Variants in ADCY4 observed in about 807,000 individuals in gnomAD.
ADCY4 encodes the protein adenylate cyclase type 4.
A neutral mutation model predicts 125.5 loss-of-function variants in ADCY4; 111 were observed. The observed-to-expected ratio is 0.88, with a 90% CI of 0.76 to 1.04. The LOEUF (loss-of-function observed/expected upper bound fraction) is 1.04. Among genes scored for constraint, ADCY4 ranks in the 50% least tolerant of loss-of-function variants. The pLI, the probability that ADCY4 is intolerant of heterozygous loss-of-function variation, is 0.00. For missense variants in ADCY4, 1,256 were observed against 1,382.9 expected (o/e 0.91, Z 1.46); for synonymous variants, 576 against 586.9 (o/e 0.98, Z 0.27).
intron 8 of ADCY4, 95 bp from the exon 9 acceptor site, chr14:24,329,628 A>G: frequency 6.8e-6 from 10 of 1,466,914 alleles, no homozygotes; most frequent in Middle Eastern, 2.3e-4. Flanking sequence ...ACTGACAAAC[A>G]TCTCATGTCT....
intron 18 of ADCY4, 85 bp from the exon 19 acceptor site, chr14:24,322,793 C>T: frequency 6.4e-7 from 1 of 1,551,604 alleles, no homozygotes; most frequent in Non-Finnish European, 8.7e-7. Context: ...CCGCTTCCCT[C>T]CCACTTTGCC....
Position 24,326,100 on chromosome 14 carries a change from A to G in ADCY4, c.1634T>C (p.Ile545Thr), listed in dbSNP as rs1291362065. The G allele has an allele frequency of 2.5e-6, 4 of 1,585,470 alleles. No individual in the cohort carries two copies. The highest frequency in any genetic ancestry group is 1.3e-5 in the African/African-American group (1 of 74,220). Residue 545 changes from isoleucine to threonine, a missense_variant, in exon 12 of 25, where the codon ATT becomes ACT. Physicochemically the swap from Ile to Thr is moderately conservative, Grantham distance 89 (BLOSUM62 -1). Coordinates refer to ENST00000418030, the MANE Select transcript of ADCY4 (RefSeq NM_001198568.2). ...DTGDAKFFQVIEQLNSQKQWK... is the reference protein window; with the variant it reads ...DTGDAKFFQVTEQLNSQKQWK... ...GTACTTCTGCGAGTTGAGCTGCTCA[A>G]TGACCTGGAAGAACTTGGCATCCCC...
chr14:24,322,720 A>G lies in ADCY4; in HGVS notation c.2343-12T>C, dbSNP rs991665379. ...TCAGCACTCCGGGCCTGAAGGGGCC[A>G]TGGATCAGGGTGACCCCTTGCTTTC... is the stretch of plus-strand genomic sequence containing the variant. On this transcript the variant is annotated splice_polypyrimidine_tract_variant and intron_variant, in intron 18 of 24. Transcript: ENST00000418030. 6.2e-7 allele frequency: 1 copy of G among 1,613,316 alleles called. No individual in the cohort carries two copies. The highest frequency in any genetic ancestry group is 1.3e-5 in the African/African-American group (1 of 75,042).
Position 24,330,264 on chromosome 14 carries a change from C to T in ADCY4, c.962G>A (p.Gly321Glu). Reference sequence around the variant, plus strand: ...CCCAGAGACACAGTAGTAACAGTCCCCCAGGATCTTGATCCGCATGCATTC... The same window carrying T: ...CCCAGAGACACAGTAGTAACAGTCCTCCAGGATCTTGATCCGCATGCATTC... ...EHECMRIKIL[G>E]DCYYCVSGLP... The change falls in exon 7 of 25, where the codon GGG becomes GAG. Residue 321 changes from glycine (G) to glutamate (E), a missense_variant. Transcript: ENST00000418030. The T allele has an allele frequency of 6.2e-7, 1 of 1,614,160 alleles. No homozygotes were observed.
rs1390859063 is a variant in ADCY4, at chr14:24,334,367, C to T, written c.159+127G>A. On this transcript the variant is annotated intron_variant, in intron 1 of 24. Coordinates refer to ENST00000418030, the MANE Select transcript of ADCY4 (RefSeq NM_001198568.2). ...GCCCAGGGTCACTGCAGTTCCTAGCCAGGCTCAATGGTCCTTTCTTTCTCT... is the reference window on the plus strand; with the variant it reads ...GCCCAGGGTCACTGCAGTTCCTAGCTAGGCTCAATGGTCCTTTCTTTCTCT... The T allele has an allele frequency of 2.1e-6, 3 of 1,427,358 alleles. No individual in the cohort carries two copies. In the Admixed American group the frequency reaches 8.3e-5, roughly 40 times the overall value. 88.4% of individuals were successfully genotyped at this position (1,427,358 alleles called of 1,614,324 possible). A position where few individuals can be genotyped will look rare whatever the true frequency, so the allele number is the denominator to read the frequency against.
chr14:24,319,672 T>A lies in ADCY4; in HGVS notation c.2733+70A>T. On this transcript the variant is annotated intron_variant, in intron 21 of 24. Coordinates refer to ENST00000418030, the MANE Select transcript of ADCY4 (RefSeq NM_001198568.2). The surrounding 1 kb of genome is among the most constrained non-coding windows in gnomAD (Gnocchi z 4.5). ...TGACTTCATGGCCAGAAAAGCAAAG[T>A]GGAAGGAGGTACTGGTGGAAAATTC... 2 of 1,596,014 alleles carry A rather than the reference T, an allele frequency of 1.3e-6. No homozygotes were observed. Among genetic ancestry groups the A allele is most frequent in the Non-Finnish European group, 1.7e-6 (2 of 1,166,792 alleles).
rs779787686 is a variant in ADCY4, at chr14:24,330,218, G to A, written c.1008C>T (p.Asp336=). 2.5e-5 allele frequency: 41 copies of A among 1,614,078 alleles called. No individual in the cohort carries two copies. The Admixed American group carries it at 4.2e-4, about 16-fold the overall frequency. The change falls in exon 7 of 25, where the codon GAC becomes GAT. Residue 336 remains aspartate, a synonymous_variant. Coordinates refer to ENST00000418030, the MANE Select transcript of ADCY4 (RefSeq NM_001198568.2). ...CVSGLPLSLP[D]HAINCVRMGL... ...CCATGCGCACGCAGTTGATGGCATGGTCTGGCAGTGAGAGTGGCAGCCCAG... is the reference window on the plus strand; with the variant it reads ...CCATGCGCACGCAGTTGATGGCATGATCTGGCAGTGAGAGTGGCAGCCCAG...
intron 20 of ADCY4, chr14:24,321,744 G>A: frequency 2.9e-6 from 3 of 1,022,296 alleles, no homozygotes; most frequent in South Asian, 4.2e-5. Flanking sequence ...GTTCCCAACA[G>A]GTCATGGACT....
intron 16 of ADCY4, 69 bp from the exon 17 acceptor site, chr14:24,323,523 T>C: frequency 6.5e-7 from 1 of 1,538,474 alleles, no homozygotes; most frequent in Non-Finnish European, 8.8e-7. Flanking sequence ...GTGCTGGGTT[T>C]CAGCTGACCC....
intron 9 of ADCY4, 57 bp from the exon 10 acceptor site, chr14:24,329,291 AC>A (rs1180795933): frequency 1.0e-5 from 16 of 1,587,640 alleles, no homozygotes; most frequent in Admixed American, 5.2e-5. Flanking sequence ...TTCTCCCTCC[AC>A]CCCCCACTAG....
At chr14:24,334,440 A>G (rs2042100395) in intron 1 of ADCY4, 54 bp downstream of exon 1, 1 of 1,506,262 alleles carries the variant, frequency 6.6e-7, no homozygotes. Flanking sequence ...ACAAACCCCA[A>G]CCCCGAAAAT....
chr14:24,334,354 T>G (rs2042098825), intron 1 of ADCY4, 140 bp downstream of exon 1: 2 of 1,393,450 alleles, frequency 1.4e-6, no homozygotes, highest in African/African-American at 1.5e-5. Context: ...CCAGGGTCAC[T>G]GCAGTTCCTA....
At position 24,330,036 on chromosome 14, in the gene ADCY4, G is replaced by T. The variant is rs746494640; in HGVS notation, c.1059-18C>A. On this transcript the variant is annotated intron_variant, in intron 7 of 24. Transcript: ENST00000418030. Reference sequence around the variant, plus strand: ...GCAGTTTCCTGAGCAGTGTGTGTGTGGGACAATCTGAGTCCTACCCTCAGC... The same window carrying T: ...GCAGTTTCCTGAGCAGTGTGTGTGTTGGACAATCTGAGTCCTACCCTCAGC... 1.2e-6 allele frequency: 2 copies of T among 1,609,122 alleles called. No homozygotes were observed. The highest frequency in any genetic ancestry group is 1.3e-5 in the African/African-American group (1 of 74,956).
chr14:24,319,311 A>G lies in ADCY4; in HGVS notation c.2841+18T>C. 6.2e-7 allele frequency: 1 copy of G among 1,613,642 alleles called. No individual in the cohort carries two copies. Among genetic ancestry groups the G allele is most frequent in the Non-Finnish European group, 8.5e-7 (1 of 1,179,598 alleles). ...GAGAGCCCAGAGGAGGATGGTAGGT[A>G]AGGAAGGGTTGCCGTACCTGTTGTG... On this transcript the variant is annotated intron_variant, in intron 22 of 24. Transcript: ENST00000418030. The surrounding 1 kb of genome is among the most constrained non-coding windows in gnomAD (Gnocchi z 4.5).
rs140871936 is a variant in ADCY4 at position 24,321,811 on chromosome 14, C to T, written c.2586+255G>A. 1.2e-3 allele frequency: 1,454 copies of T among 1,198,586 alleles called. 10 individuals are homozygous for T. The highest frequency in any genetic ancestry group is 0.011 in the East Asian group (287 of 26,912). The allele number at this position is 1,198,586 out of a possible 1,614,324, so 74.2% of individuals were successfully genotyped here. ...CCCTGCTCCAGACAGCTCCCATCAACGCCTAGGCTTCTGGAATGTATGGAA... is the reference window on the plus strand; with the variant it reads ...CCCTGCTCCAGACAGCTCCCATCAATGCCTAGGCTTCTGGAATGTATGGAA... On this transcript the variant is annotated intron_variant, in intron 20 of 24. Transcript: ENST00000418030.
Position 24,329,199 on chromosome 14 carries a change from G to A in ADCY4, c.1386C>T (p.Gly462=), listed in dbSNP as rs755864651. Residue 462 remains glycine (G), a synonymous_variant, in exon 10 of 25, where the codon GGC becomes GGT. Coordinates refer to ENST00000418030, the MANE Select transcript of ADCY4 (RefSeq NM_001198568.2). ...EEEDEKGTAG[G]LLSSLEGLKM... Reference sequence around the variant, plus strand: ...TGAGGCCCTCAAGCGAGGACAGCAAGCCTCCTGCAGTGCCCTTCTCATCCT... The same window carrying A: ...TGAGGCCCTCAAGCGAGGACAGCAAACCTCCTGCAGTGCCCTTCTCATCCT... The A allele has an allele frequency of 4.3e-6, 7 of 1,613,872 alleles. No homozygotes were observed. The highest frequency in any genetic ancestry group is 1.1e-5 in the South Asian group (1 of 91,072).
chr14:24,322,642 G>T lies in ADCY4; in HGVS notation c.2409C>A (p.Leu803=), dbSNP rs769350917. ...GACTTACCTGGCGAGCCAGGACAAG[G>T]AGGGTGAAGAAGAAGATGAAGAAGG... is the stretch of plus-strand genomic sequence containing the variant. ...AISFFIFFFT[L]LVLARQNEYY... is the part of the protein sequence containing the mutation. The change falls in exon 19 of 25, where the codon CTC becomes CTA. Residue 803 remains leucine (L), a synonymous_variant. Transcript: ENST00000418030. 1 of 1,614,176 alleles carries T rather than the reference G, an allele frequency of 6.2e-7. No individual in the cohort carries two copies. The highest frequency in any genetic ancestry group is 2.2e-5 in the East Asian group (1 of 44,876).
At position 24,334,745 on chromosome 14, in the gene ADCY4, C is replaced by A. The variant is rs1020124200; in HGVS notation, c.-93G>T. 9.4e-7 allele frequency: 1 copy of A among 1,061,778 alleles called. No homozygotes were observed. The highest frequency in any genetic ancestry group is 1.3e-6 in the Non-Finnish European group (1 of 765,982). The allele number at this position is 1,061,778 out of a possible 1,614,324, so 65.8% of individuals were successfully genotyped here. A position where few individuals can be genotyped will look rare whatever the true frequency, so the allele number is the denominator to read the frequency against. ...GGGCCCCACCTGAGCTTTTCTCACC[C>A]GCTCAAAGCCGCTACCACCCCGCGC... On this transcript the variant is annotated 5_prime_UTR_variant, in exon 1 of 25. Coordinates refer to ENST00000418030, the MANE Select transcript of ADCY4 (RefSeq NM_001198568.2).
Position 24,323,505 on chromosome 14 carries a change from G to A in ADCY4, c.2047-51C>T, listed in dbSNP as rs572944094. On this transcript the variant is annotated intron_variant, in intron 16 of 24. Coordinates refer to ENST00000418030, the MANE Select transcript of ADCY4 (RefSeq NM_001198568.2). ...AGGCAGGTAGCTTCTTGGGCACAGT[G>A]GTGGCTTGTGCTGGGTTTCAGCTGA... 4.5e-6 allele frequency: 7 copies of A among 1,546,872 alleles called. No homozygotes were observed. In the East Asian group the frequency reaches 1.5e-4, roughly 32 times the overall value.
Sources: allele counts gnomAD v4.1 joint callset, GRCh38; gene constraint gnomAD v4.1.1; non-coding constraint Gnocchi (gnomAD v3.1); transcripts MANE v1.5; gene names NCBI Gene and HGNC (gene_info 2026-07-23, HGNC 2026-07-21).